The following AHR variants were observed in gnomAD, a reference collection of about 807,000 sequenced individuals.
The protein encoded by AHR is aryl hydrocarbon receptor.
AHR carries 40 observed loss-of-function variants against 86.8 expected under a neutral mutation model. The ratio of observed to expected loss-of-function variants is 0.46; its 90% CI spans 0.36 to 0.60. The LOEUF is 0.60. Among genes scored for constraint, AHR ranks in the 20% least tolerant of loss-of-function variants. AHR has a pLI of 0.00. For synonymous variants in AHR, 398 were observed against 354.9 expected, an observed-to-expected ratio of 1.12 and a Z score of -1.37; for missense variants, 1,001 against 1,011.6, an observed-to-expected ratio of 0.99 and a Z score of 0.14.
chr7:17,337,623 C>G (rs1375020185), intron 9 of AHR, among the ~76,000 whole-genome samples: 1 of 151,052 alleles, frequency 6.6e-6, no homozygotes, highest in Non-Finnish European at 1.5e-5. Flanking sequence ...TACAGGCGCC[C>G]GCCACTACGC....
In AHR at chr7:17,345,452, T is replaced by G. The variant is rs1478530820; in HGVS notation, c.*2388T>G. 2 of 152,710 alleles carry G rather than the reference T, an allele frequency of 1.3e-5. No individual in the cohort carries two copies. Among genetic ancestry groups the G allele is most frequent in the Non-Finnish European group, 2.9e-5 (2 of 68,046 alleles). The allele number at this position is 152,710 out of a possible 1,614,324, so 9.5% of individuals were successfully genotyped here. A position where few individuals can be genotyped will look rare whatever the true frequency, so the allele number is the denominator to read the frequency against. On this transcript the variant is annotated 3_prime_UTR_variant, in exon 11 of 11. Coordinates refer to ENST00000242057, the MANE Select transcript of AHR (RefSeq NM_001621.5). ...TAAACCTGTAGAATCAATTTAAGTGTTGGAAAAAATTTGTCTGAAACATTT... is the reference window on the plus strand; with the variant it reads ...TAAACCTGTAGAATCAATTTAAGTGGTGGAAAAAATTTGTCTGAAACATTT...
At chr7:17,322,381 T>G in intron 2 of AHR, 120 bp from the exon 3 acceptor site, 1 of 660,718 alleles carries the variant, frequency 1.5e-6, no homozygotes, top group Non-Finnish European at 2.6e-6. Context: ...AGCCAAATAC[T>G]AAAAATACCA....
chr7:17,329,953 C>G lies in AHR; in HGVS notation c.452C>G (p.Ser151Cys), dbSNP rs908053629. Reference sequence around the variant, plus strand: ...ATTCCTTGTATCTTTTTTCTTTAGTCTGATGTCATACATCAGAGTGTATAT... The same window carrying G: ...ATTCCTTGTATCTTTTTTCTTTAGTGTGATGTCATACATCAGAGTGTATAT... ...TIQDYLGFQQSDVIHQSVYEL... is the reference protein window; with the variant it reads ...TIQDYLGFQQCDVIHQSVYEL... Residue 151 changes from serine to cysteine, a missense_variant and splice_region_variant, in exon 5 of 11, where the codon TCT becomes TGT. Around this residue, in one of 2 missense-constraint regions of AHR, gnomAD observed 394 missense variants for 468.5 expected, o/e 0.84. Transcript: ENST00000242057. 1 of 1,601,902 alleles carries G rather than the reference C, an allele frequency of 6.2e-7. No individual in the cohort carries two copies. Among genetic ancestry groups the G allele is most frequent in the African/African-American group, 1.3e-5 (1 of 74,266 alleles).
intron 3 of AHR, among the ~76,000 whole-genome samples, chr7:17,323,121 G>C (rs1363539488): frequency 1.3e-5 from 2 of 152,024 alleles, no homozygotes; most frequent in African/African-American, 2.4e-5. Flanking sequence ...ATATGAAGTA[G>C]ATTAGTTAGA....
At chr7:17,333,388 T>C (rs1422074087) in intron 6 of AHR, among the ~76,000 whole-genome samples, 1 of 152,010 alleles carries the variant, frequency 6.6e-6, no homozygotes, top group Non-Finnish European at 1.5e-5. Context: ...CTAAATTTCT[T>C]CCATATCTTT....
At position 17,298,832 on chromosome 7, in the gene AHR, C is replaced by A; in HGVS notation, c.-433C>A. Reference sequence around the variant, plus strand: ...GGAAGTCCCGGGAGCAGCGCGGCGGCACCTCCCTCACCCAAGGGGCCGCGG... The same window carrying A: ...GGAAGTCCCGGGAGCAGCGCGGCGGAACCTCCCTCACCCAAGGGGCCGCGG... On this transcript the variant is annotated 5_prime_UTR_variant, in exon 1 of 11. Coordinates refer to ENST00000242057, the MANE Select transcript of AHR (RefSeq NM_001621.5). 1 of 398,384 alleles carries A rather than the reference C, an allele frequency of 2.5e-6. No homozygotes were observed. The highest frequency in any genetic ancestry group is 3.6e-5 in the East Asian group (1 of 28,036). The allele number at this position is 398,384 out of a possible 1,614,324, so 24.7% of individuals were successfully genotyped here. A position where few individuals can be genotyped will look rare whatever the true frequency, so the allele number is the denominator to read the frequency against.
Position 17,340,210 on chromosome 7 carries a change from A to G in AHR, c.2385A>G (p.Gln795=), listed in dbSNP as rs1168757688. Residue 795 remains glutamine (Q), a synonymous_variant, in exon 10 of 11, where the codon CAA becomes CAG. Coordinates refer to ENST00000242057, the MANE Select transcript of AHR (RefSeq NM_001621.5). ...QMQYNPVLPG[Q]QAFLNKFQNG... ...AGTACAATCCAGTACTGCCAGGCCAACAGGCATTTTTAAACAAGGTAAGGG... is the reference window on the plus strand; with the variant it reads ...AGTACAATCCAGTACTGCCAGGCCAGCAGGCATTTTTAAACAAGGTAAGGG... 1.2e-6 allele frequency: 2 copies of G among 1,608,076 alleles called. No homozygotes were observed. The highest frequency in any genetic ancestry group is 2.7e-5 in the African/African-American group (2 of 74,720).
At chr7:17,314,182 G>C (rs1331279065) in intron 2 of AHR, among the ~76,000 whole-genome samples, 1 of 152,048 alleles carries the variant, frequency 6.6e-6, no homozygotes, top group Non-Finnish European at 1.5e-5. Flanking sequence ...TTAGGGATCC[G>C]AGTTTCTGAT....
Position 17,309,939 on chromosome 7 carries a change from A to T in AHR, c.69A>T (p.Val23=). Reference sequence around the variant, plus strand: ...TGGTATTTTGTTTGTTTTTCAGAGTAAAGCCAATCCCAGCTGAAGGAATCA... The same window carrying T: ...TGGTATTTTGTTTGTTTTTCAGAGTTAAGCCAATCCCAGCTGAAGGAATCA... ...RKRRKPVQKT[V]KPIPAEGIKS... Residue 23 remains valine, a synonymous_variant, in exon 2 of 11, where the codon GTA becomes GTT. Coordinates refer to ENST00000242057, the MANE Select transcript of AHR (RefSeq NM_001621.5). 6.4e-7 allele frequency: 1 copy of T among 1,568,956 alleles called. No individual in the cohort carries two copies. The highest frequency in any genetic ancestry group is 8.7e-7 in the Non-Finnish European group (1 of 1,148,520).
intron 2 of AHR, among the ~76,000 whole-genome samples, chr7:17,313,026 A>G (rs974267320): frequency 2.0e-5 from 3 of 152,200 alleles, no homozygotes; most frequent in African/African-American, 7.2e-5. Context: ...AAAGAAGTCT[A>G]TGAATATTTT....
In AHR at chr7:17,334,908, T is replaced by C. The variant is rs1782338836; in HGVS notation, c.930T>C (p.Tyr310=). 3 of 1,611,830 alleles carry C rather than the reference T, an allele frequency of 1.9e-6. No individual in the cohort carries two copies. Among genetic ancestry groups the C allele is most frequent in the Non-Finnish European group, 2.5e-6 (3 of 1,178,730 alleles). Residue 310 remains tyrosine (Y), a synonymous_variant, in exon 8 of 11, where the codon TAT becomes TAC. Transcript: ENST00000242057. ...CDAKGRIVLG[Y]TEAELCTRGS... The stretch of plus-strand genomic sequence containing the variant: ...ACAGAGGAAGAATTGTTTTAGGATA[T>C]ACTGAAGCAGAGCTGTGCACGAGAG...
chr7:17,310,200 A>C, intron 2 of AHR, 77 bp downstream of exon 2: 2 of 1,348,726 alleles, frequency 1.5e-6, no homozygotes, highest in Non-Finnish European at 2.0e-6. Context: ...TTCTGTGTTA[A>C]TAACTACAAA....
chr7:17,318,054 T>C (rs1470178713), intron 2 of AHR, among the ~76,000 whole-genome samples: 4 of 152,170 alleles, frequency 2.6e-5, no homozygotes, highest in Non-Finnish European at 5.9e-5. Context: ...CCTGCCAAAG[T>C]AGTAAAGGGG....
Position 17,339,616 on chromosome 7 carries a change from A to G in AHR, c.1791A>G (p.Ser597=), listed in dbSNP as rs371295244. 1.2e-6 allele frequency: 2 copies of G among 1,614,030 alleles called. No individual in the cohort carries two copies. The highest frequency in any genetic ancestry group is 1.7e-6 in the Non-Finnish European group (2 of 1,180,056). ...DSLSKSPFIP[S]DYQQQQSLAL... is the part of the protein sequence containing the mutation. Reference sequence around the variant, plus strand: ...TAAGTAAGTCTCCCTTCATACCTTCAGATTATCAACAGCAACAGTCCTTGG... The same window carrying G: ...TAAGTAAGTCTCCCTTCATACCTTCGGATTATCAACAGCAACAGTCCTTGG... Residue 597 remains serine, a synonymous_variant, in exon 10 of 11, where the codon TCA becomes TCG. Transcript: ENST00000242057.
intron 6 of AHR, among the ~76,000 whole-genome samples, chr7:17,333,350 G>T (rs1320518344): frequency 1.3e-5 from 2 of 151,898 alleles, no homozygotes; most frequent in Non-Finnish European, 2.9e-5. Context: ...TCATGTTCAT[G>T]TTTAAGTGCC....
In AHR at chr7:17,298,853, C is replaced by G. The variant is rs1453211614; in HGVS notation, c.-412C>G. The stretch of plus-strand genomic sequence containing the variant: ...GCGGCACCTCCCTCACCCAAGGGGC[C>G]GCGGCGACGGTCACGGGGCGCGGCG... On this transcript the variant is annotated 5_prime_UTR_variant, in exon 1 of 11. Coordinates refer to ENST00000242057, the MANE Select transcript of AHR (RefSeq NM_001621.5). The G allele has an allele frequency of 5.0e-6, 2 of 398,736 alleles. No homozygotes were observed. The highest frequency in any genetic ancestry group is 8.8e-6 in the Non-Finnish European group (2 of 226,206). The allele number at this position is 398,736 out of a possible 1,614,324, so 24.7% of individuals were successfully genotyped here.
chr7:17,325,511 A>G (rs1242829090), intron 3 of AHR, among the ~76,000 whole-genome samples: 3 of 152,204 alleles, frequency 2.0e-5, no homozygotes, highest in Non-Finnish European at 2.9e-5. Flanking sequence ...AGAATATCCA[A>G]TTTTGAATGT....
At chr7:17,301,897 T>C (rs1042274388) in intron 1 of AHR, among the ~76,000 whole-genome samples, 1 of 151,908 alleles carries the variant, frequency 6.6e-6, no homozygotes, top group African/African-American at 2.4e-5. Flanking sequence ...AAGATAACTT[T>C]CATTATAGAA....
At position 17,339,583 on chromosome 7, in the gene AHR, A is replaced by G; in HGVS notation, c.1758A>G (p.Gln586=). Residue 586 remains glutamine, a synonymous_variant, in exon 10 of 11, where the codon CAA becomes CAG. Coordinates refer to ENST00000242057, the MANE Select transcript of AHR (RefSeq NM_001621.5). The part of the protein sequence containing the change: ...DLTDEILTYV[Q]DSLSKSPFIP... ...CGGATGAAATCCTGACGTATGTCCA[A>G]GATTCTTTAAGTAAGTCTCCCTTCA... 1 of 1,614,176 alleles carries G rather than the reference A, an allele frequency of 6.2e-7. No individual in the cohort carries two copies. Among genetic ancestry groups the G allele is most frequent in the Non-Finnish European group, 8.5e-7 (1 of 1,180,048 alleles).
Sources: allele counts gnomAD v4.1 joint callset (sites outside exome capture counted in the v4.1 genomes callset), GRCh38; gene constraint gnomAD v4.1.1; regional missense constraint gnomAD v4.1.1; transcripts MANE v1.5; gene names NCBI Gene and HGNC (gene_info 2026-07-23, HGNC 2026-07-21).